The following SEM1 variants were observed in gnomAD, a reference collection of about 807,000 sequenced individuals.
The protein encoded by SEM1 is SEM1 26S proteasome subunit.
A neutral mutation model predicts 12.7 loss-of-function variants in SEM1; 3 were observed. That is an observed-to-expected ratio of 0.24 (90% CI 0.11 to 0.61). The LOEUF is 0.61. SEM1 is among the 20% of genes least tolerant of loss of function. The probability of loss-of-function intolerance (pLI) is 0.88; values close to 1 mark genes in which losing one functional copy is unlikely to be tolerated. For missense variants in SEM1, 59 were observed against 81.3 expected (o/e 0.73, Z 1.06); for synonymous variants, 30 against 27.8 (o/e 1.08, Z -0.25).
intron 2 of SEM1, among the ~76,000 whole-genome samples, chr7:96,651,496 G>T (rs1370624228): frequency 6.6e-6 from 1 of 152,128 alleles, no homozygotes; most frequent in East Asian, 1.9e-4. Flanking sequence ...TAGGTAAAAG[G>T]CATGTGTGAT....
chr7:96,502,185 A>T (rs1289218754), intron 3 of SEM1, among the ~76,000 whole-genome samples: 2 of 152,152 alleles, frequency 1.3e-5, no homozygotes, highest in African/African-American at 4.8e-5. Context: ...TATTATCTCC[A>T]GTTTAAAGTA....
chr7:96,543,238 A>G (rs1805008427), intron 2 of SEM1, among the ~76,000 whole-genome samples: 1 of 151,954 alleles, frequency 6.6e-6, no homozygotes, highest in Admixed American at 6.6e-5. Context: ...TATAACAACT[A>G]TTTACATTTA....
chr7:96,567,881 T>A (rs1805892630), intron 2 of SEM1, among the ~76,000 whole-genome samples: 2 of 151,258 alleles, frequency 1.3e-5, no homozygotes, highest in South Asian at 4.2e-4. Flanking sequence ...AATATATTAT[T>A]TTGGATCAAT....
At chr7:96,689,192 TCTTC>T (rs1475024497) in intron 2 of SEM1, among the ~76,000 whole-genome samples, 1 of 152,158 alleles carries the variant, frequency 6.6e-6, no homozygotes, top group Non-Finnish European at 1.5e-5. Context: ...TTGTATTTTA[TCTTC>T]CTTAATTTTC....
At chr7:96,588,388 ACACACACAC>A (rs770838391) in intron 2 of SEM1, among the ~76,000 whole-genome samples, 15,908 of 68,910 alleles carry the variant, frequency 0.23, 807 homozygotes, top group Non-Finnish European at 0.28. Flanking sequence ...ACACACACAC[ACACACACAC>A]GAGAGAGAGA....
At chr7:96,570,963 CTT>C (rs200108908) in intron 2 of SEM1, among the ~76,000 whole-genome samples, 2 of 143,506 alleles carry the variant, frequency 1.4e-5, no homozygotes, top group African/African-American at 5.1e-5. Context: ...TGATGATGAG[CTT>C]TTTTTTTTTT....
intron 2 of SEM1, among the ~76,000 whole-genome samples, chr7:96,692,987 CA>C (rs1789973834): frequency 6.6e-6 from 1 of 151,506 alleles, no homozygotes; most frequent in African/African-American, 2.4e-5. Context: ...GTAGAAGTAT[CA>C]GTATAACAGT....
At chr7:96,535,542 C>T (rs765429482) in intron 2 of SEM1, among the ~76,000 whole-genome samples, 6 of 151,842 alleles carry the variant, frequency 4.0e-5, no homozygotes, top group Non-Finnish European at 7.4e-5. Flanking sequence ...GGAAATTTCA[C>T]GTACAGATTC....
chr7:96,637,806 T>G (rs1336673398), intron 2 of SEM1, among the ~76,000 whole-genome samples: 1 of 152,042 alleles, frequency 6.6e-6, no homozygotes, highest in East Asian at 1.9e-4. Context: ...TTCTTCCCTC[T>G]TATTACCCTG....
At chr7:96,541,466 T>C (rs1265694950) in intron 2 of SEM1, among the ~76,000 whole-genome samples, 6 of 142,856 alleles carry the variant, frequency 4.2e-5, no homozygotes, top group Admixed American at 2.9e-4. Flanking sequence ...TTTTGCTGAA[T>C]TGTTTAAGTT....
intron 2 of SEM1, among the ~76,000 whole-genome samples, chr7:96,631,469 A>C (rs1808258146): frequency 6.6e-6 from 1 of 152,086 alleles, no homozygotes; most frequent in African/African-American, 2.4e-5. Context: ...AGCTCTCTGC[A>C]CCATGCCACT....
At chr7:96,696,367 C>A (rs1563117451) in intron 1 of SEM1, 1 of 151,928 alleles carries the variant, frequency 6.6e-6, no homozygotes, top group Non-Finnish European at 1.5e-5. Context: ...ATAGTTATGA[C>A]ACTACTGAGT....
intron 2 of SEM1, among the ~76,000 whole-genome samples, chr7:96,637,054 A>C (rs1302158752): frequency 6.6e-6 from 1 of 152,056 alleles, no homozygotes; most frequent in Non-Finnish European, 1.5e-5. Flanking sequence ...AGAAACAGTG[A>C]GTTTAAGGCT....
chr7:96,694,318 C>G (rs1175684955), intron 2 of SEM1, among the ~76,000 whole-genome samples: 1 of 151,938 alleles, frequency 6.6e-6, no homozygotes, highest in Non-Finnish European at 1.5e-5. Context: ...CTGAACTGTA[C>G]ACTTTCAAAT....
chr7:96,581,596 C>A (rs1322650739), intron 2 of SEM1, among the ~76,000 whole-genome samples: 1 of 152,148 alleles, frequency 6.6e-6, no homozygotes, highest in African/African-American at 2.4e-5. Context: ...ATTCTTCCTA[C>A]CCATGAGCAT....
chr7:96,578,495 T>C (rs1176541617), intron 2 of SEM1, among the ~76,000 whole-genome samples: 1 of 152,254 alleles, frequency 6.6e-6, no homozygotes, highest in South Asian at 2.1e-4. Context: ...CAGTGAAACA[T>C]CTTCCAATGT....
At chr7:96,541,443 G>GTTTTTTTTTTTTTTTTTTTTTTTT (rs61049763) in intron 2 of SEM1, among the ~76,000 whole-genome samples, 2 of 102,394 alleles carry the variant, frequency 2.0e-5, no homozygotes, top group African/African-American at 7.6e-5. Context: ...TTTTTTTTTT[G>GTTTTTTTTTTTTTTTTTTTTTTTT]TTTTTTTTTT....
At position 96,591,813 on chromosome 7, in the gene SEM1, GT is replaced by G. The variant is rs71127462; in HGVS notation, c.171-85116del. On this transcript the variant is annotated intron_variant and NMD_transcript_variant, in intron 2 of 3. Transcript: ENST00000466986. ...ATGACACAAACCTCCAGGCAATGGAGTTTTTTTTTTTTTTCCTTTCAAAACA... is the reference window on the plus strand; with the variant it reads ...ATGACACAAACCTCCAGGCAATGGAGTTTTTTTTTTTTTCCTTTCAAAACA... Among the ~76,000 whole-genome samples, 783 of 146,752 alleles carry G rather than the reference GT, an allele frequency of 5.3e-3. 9 individuals carry two copies. The highest frequency in any genetic ancestry group is 0.018 in the African/African-American group (708 of 39,874).
chr7:96,490,142 C>G (rs1229509589), intron 1 of SEM1, among the ~76,000 whole-genome samples: 2 of 152,032 alleles, frequency 1.3e-5, no homozygotes, highest in African/African-American at 2.4e-5. Flanking sequence ...AATGGATGAG[C>G]CTGTATACCC....
Sources: allele counts gnomAD v4.1 joint callset (sites outside exome capture counted in the v4.1 genomes callset), GRCh38; gene constraint gnomAD v4.1.1; transcripts MANE v1.5; gene names NCBI Gene and HGNC (gene_info 2026-07-23, HGNC 2026-07-21).